Variants in CTTNBP2 observed in about 807,000 individuals in gnomAD.
The protein encoded by CTTNBP2 is cortactin-binding protein 2.
In CTTNBP2, 108 loss-of-function variants were observed where a neutral mutation model predicts 156.9. The ratio of observed to expected loss-of-function variants is 0.69; its 90% CI spans 0.59 to 0.81. The LOEUF is 0.81. Among genes scored for constraint, CTTNBP2 ranks in the 30% least tolerant of loss-of-function variants. The pLI is 0.00. For synonymous variants in CTTNBP2, 767 were observed against 751.8 expected (o/e 1.02, Z -0.33); for missense variants, 1,924 against 2,035.4 (o/e 0.95, Z 1.05).
At chr7:117,774,787 T>A (rs912061439) in intron 8 of CTTNBP2, among the ~76,000 whole-genome samples, 1 of 152,130 alleles carries the variant, frequency 6.6e-6, no homozygotes, top group Non-Finnish European at 1.5e-5. Context: ...GTAGCAACGA[T>A]ACTACTACCC....
Position 117,833,536 on chromosome 7 carries a change from C to T in CTTNBP2, c.190-22547G>A, listed in dbSNP as rs74768275. Among the ~76,000 whole-genome samples, 68 of 152,302 alleles carry T rather than the reference C, an allele frequency of 4.5e-4. 2 individuals carry two copies. In the East Asian group the frequency reaches 7.9e-3, roughly 18 times the overall value. On this transcript the variant is annotated intron_variant, in intron 2 of 22. Coordinates refer to ENST00000160373, the MANE Select transcript of CTTNBP2 (RefSeq NM_033427.3). ...GTACAGCTGGTGAGCTGCATCCATC[C>T]TTCAAGAGCCACAGTGTCTAGATTG...
chr7:117,849,207 C>T (rs1239955511), intron 2 of CTTNBP2, among the ~76,000 whole-genome samples: 1 of 152,216 alleles, frequency 6.6e-6, no homozygotes, highest in Non-Finnish European at 1.5e-5. Context: ...AGCGATTTCA[C>T]CGCAAACCCG....
chr7:117,851,547 T>C (rs1802928942), intron 2 of CTTNBP2, among the ~76,000 whole-genome samples: 1 of 152,230 alleles, frequency 6.6e-6, no homozygotes, highest in Admixed American at 6.5e-5. Flanking sequence ...TAATCTCCCT[T>C]AGACACTGTT....
chr7:117,761,248 C>T (rs1230086634), intron 9 of CTTNBP2, among the ~76,000 whole-genome samples: 4 of 152,098 alleles, frequency 2.6e-5, no homozygotes, highest in Admixed American at 6.6e-5. Flanking sequence ...GAATGTATAT[C>T]GAGTTGGTGT....
chr7:117,779,733 T>C (rs950999730), intron 7 of CTTNBP2, among the ~76,000 whole-genome samples: 5 of 150,744 alleles, frequency 3.3e-5, no homozygotes, highest in Non-Finnish European at 7.4e-5. Context: ...TCTCTGCATA[T>C]ATATATATAT....
At chr7:117,751,453 C>G (rs1796615231) in intron 12 of CTTNBP2, among the ~76,000 whole-genome samples, 1 of 152,164 alleles carries the variant, frequency 6.6e-6, no homozygotes, top group Admixed American at 6.5e-5. Flanking sequence ...AATTTCATTC[C>G]ACCCATATCT....
Position 117,746,099 on chromosome 7 carries a change from C to T in CTTNBP2, c.3349G>A (p.Val1117Ile). 1.2e-6 allele frequency: 2 copies of T among 1,611,996 alleles called. No homozygotes were observed. The highest frequency in any genetic ancestry group is 1.7e-6 in the Non-Finnish European group (2 of 1,178,118). ...AAAATGACATTATGATATTGCTCAA[C>T]CTATTAACAAACCAAGTAGAGAGCT... ...LQMMQNYLRL[V>I]EQYHNVIFHG... Residue 1117 changes from valine to isoleucine, a missense_variant and splice_region_variant, in exon 13 of 23, where the codon GTT (valine) becomes ATT (isoleucine). Val to Ile is a conservative substitution (Grantham distance 29). Transcript: ENST00000160373.
At chr7:117,762,978 T>C (rs567350874) in intron 9 of CTTNBP2, among the ~76,000 whole-genome samples, 5 of 152,196 alleles carry the variant, frequency 3.3e-5, no homozygotes, top group Non-Finnish European at 5.9e-5. Flanking sequence ...AGCTGCCCTG[T>C]TCACCTCCTT....
chr7:117,816,742 T>C (rs1381484441), intron 2 of CTTNBP2, among the ~76,000 whole-genome samples: 1 of 152,174 alleles, frequency 6.6e-6, no homozygotes, highest in Non-Finnish European at 1.5e-5. Context: ...TGCTTATTTT[T>C]AATTTTTAAT....
chr7:117,785,465 A>T (rs1228055552), intron 4 of CTTNBP2, among the ~76,000 whole-genome samples: 2 of 152,196 alleles, frequency 1.3e-5, no homozygotes, highest in Non-Finnish European at 2.9e-5. Flanking sequence ...ATAGGGTTCT[A>T]ATACCTGTAA....
chr7:117,850,852 T>C (rs575989706), intron 2 of CTTNBP2, among the ~76,000 whole-genome samples: 1 of 152,236 alleles, frequency 6.6e-6, no homozygotes, highest in South Asian at 2.1e-4. Context: ...ATTTTAGAAG[T>C]ACCAGGACTA....
At position 117,850,351 on chromosome 7, in the gene CTTNBP2, C is replaced by A. The variant is rs1218966200; in HGVS notation, c.189+10858G>T. Among the ~76,000 whole-genome samples, 6 of 152,224 alleles carry A rather than the reference C, an allele frequency of 3.9e-5. No individual in the cohort carries two copies. In the East Asian group the frequency reaches 1.2e-3, roughly 29 times the overall value. On this transcript the variant is annotated intron_variant, in intron 2 of 22. Transcript: ENST00000160373. The stretch of plus-strand genomic sequence containing the variant: ...GCACTCCAGCCTGGTTGACAGAGAC[C>A]CCTTCTTAAAACAAAACAAACAAAC...
chr7:117,806,929 T>C (rs967353094), intron 3 of CTTNBP2, among the ~76,000 whole-genome samples: 2 of 151,916 alleles, frequency 1.3e-5, no homozygotes, highest in Non-Finnish European at 2.9e-5. Context: ...TGACTAAGTT[T>C]TGTATTTTTA....
intron 22 of CTTNBP2, chr7:117,714,399 C>G (rs1376713354): frequency 6.6e-6 from 1 of 152,160 alleles, no homozygotes; most frequent in Non-Finnish European, 1.5e-5. Flanking sequence ...GCAACACATA[C>G]GTAGTATTCA....
At chr7:117,746,196 A>G in intron 12 of CTTNBP2, 97 bp from the exon 13 acceptor site, 1 of 773,120 alleles carries the variant, frequency 1.3e-6, no homozygotes, top group East Asian at 2.5e-5. Flanking sequence ...GATTGTCCTC[A>G]TACTTTCAAA....
At chr7:117,850,116 C>T (rs940532422) in intron 2 of CTTNBP2, among the ~76,000 whole-genome samples, 3 of 152,120 alleles carry the variant, frequency 2.0e-5, no homozygotes, top group Non-Finnish European at 4.4e-5. Context: ...TTGGAACATC[C>T]TCCAATTCTT....
At chr7:117,862,264 G>A (rs997903096) in intron 1 of CTTNBP2, among the ~76,000 whole-genome samples, 1 of 151,268 alleles carries the variant, frequency 6.6e-6, no homozygotes, top group Non-Finnish European at 1.5e-5. Context: ...GAGCCTTCCA[G>A]GGACCCAGCT....
chr7:117,860,979 T>A (rs1194634490), intron 2 of CTTNBP2, among the ~76,000 whole-genome samples: 1 of 152,216 alleles, frequency 6.6e-6, no homozygotes, highest in East Asian at 1.9e-4. Context: ...AAGTTTCCCG[T>A]ACTAAACAGT....
Position 117,817,361 on chromosome 7 carries a change from A to ATATATATATATATATATATATATATAT in CTTNBP2, c.190-6373_190-6372insATATATATATATATATATATATATATA, listed in dbSNP as rs1298639361. On this transcript the variant is annotated intron_variant, in intron 2 of 22. Coordinates refer to ENST00000160373, the MANE Select transcript of CTTNBP2 (RefSeq NM_033427.3). The stretch of plus-strand genomic sequence containing the variant: ...AAAAAAAAAAAAAAAAAAAAAAAAA[A>ATATATATATATATATATATATATATAT]ATATATATATATATATATATATATA... Among the ~76,000 whole-genome samples the ATATATATATATATATATATATATATAT allele has an allele frequency of 5.0e-3, 267 of 53,228 alleles. 41 individuals are homozygous for ATATATATATATATATATATATATATAT. The highest frequency in any genetic ancestry group is 7.1e-3 in the Non-Finnish European group (209 of 29,406). 34.9% of individuals were successfully genotyped at this position (53,228 alleles called of 152,430 possible).
Sources: allele counts gnomAD v4.1 joint callset (sites outside exome capture counted in the v4.1 genomes callset), GRCh38; gene constraint gnomAD v4.1.1; transcripts MANE v1.5; gene names NCBI Gene and HGNC (gene_info 2026-07-23, HGNC 2026-07-21).